PRICKLE2: variants seen among roughly 807,000 people sequenced by gnomAD.
PRICKLE2 encodes the protein prickle planar cell polarity protein 2, also known as prickle-like protein 2.
A neutral mutation model predicts 81.4 loss-of-function variants in PRICKLE2; 21 were observed. That is an observed-to-expected ratio of 0.26 (90% confidence interval 0.18 to 0.37). PRICKLE2 has a LOEUF of 0.37. PRICKLE2 is among the 10% of genes least tolerant of loss of function. The pLI is 1.00. For synonymous variants in PRICKLE2, 456 were observed against 421.5 expected, an observed-to-expected ratio of 1.08 and a Z score of -1.00; for missense variants, 940 against 1,109.0, an observed-to-expected ratio of 0.85 and a Z score of 2.16.
rs2107115540 is a variant in PRICKLE2, at chr3:64,198,981, AG to A, written c.-40-15del. ...AGGCAGATCTTCCTGCAGGCAGTAA[AG>A]GTAGAAGGTGAGAAAGAGGAAAAAA... is the stretch of plus-strand genomic sequence containing the variant. On this transcript the variant is annotated splice_polypyrimidine_tract_variant and intron_variant, in intron 1 of 7. Transcript: ENST00000638394. 1 of 1,613,122 alleles carries A rather than the reference AG, an allele frequency of 6.2e-7. No homozygotes were observed. Among genetic ancestry groups the A allele is most frequent in the East Asian group, 2.2e-5 (1 of 44,874 alleles).
chr3:64,164,615 C>T (rs1181606804), intron 2 of PRICKLE2, among the ~76,000 whole-genome samples: 1 of 152,208 alleles, frequency 6.6e-6, no homozygotes, highest in Non-Finnish European at 1.5e-5. Context: ...CATTAACCAT[C>T]ATGTGCCTAT....
Position 64,147,530 on chromosome 3 carries a change from G to C in PRICKLE2, c.960C>G (p.Asp320Glu), listed in dbSNP as rs746086398. 2 of 1,614,138 alleles carry C rather than the reference G, an allele frequency of 1.2e-6. No individual in the cohort carries two copies. Among genetic ancestry groups the C allele is most frequent in the Non-Finnish European group, 1.7e-6 (2 of 1,180,058 alleles). ...CSAGEDPNGS[D>E]SSDSAFQNAR... Reference sequence around the variant, plus strand: ...CGTTCTGGAAGGCGGAATCAGAGGAGTCAGAACCATTGGGGTCTTCCCCAG... The same window carrying C: ...CGTTCTGGAAGGCGGAATCAGAGGACTCAGAACCATTGGGGTCTTCCCCAG... The change falls in exon 7 of 8, where the codon GAC becomes GAG. Residue 320 changes from aspartate to glutamate, a missense_variant. By Grantham distance (45) the Asp-to-Glu change is conservative. Coordinates refer to ENST00000638394, the MANE Select transcript of PRICKLE2 (RefSeq NM_198859.4). This position sits in a 1 kb window ranked among gnomAD's most constrained non-coding sequence, Gnocchi z 5.0.
chr3:64,230,244 A>G (rs957607078), upstream of PRICKLE2, among the ~76,000 whole-genome samples: 4 of 152,216 alleles, frequency 2.6e-5, no homozygotes, highest in Non-Finnish European at 4.4e-5. Flanking sequence ...AATGTCTGCC[A>G]TAGCTGTCCA....
In PRICKLE2 at chr3:64,235,639, G is replaced by A. The variant is rs141805226; in HGVS notation, c.129-36672C>T. ...AGTGTGCAGCTTCTGATGTCCCTCC[G>A]GAGGGCCTGAGACCAGTTTTCCTAT... On this transcript the variant is annotated intron_variant, in intron 2 of 8. Transcript: ENST00000295902. Among the ~76,000 whole-genome samples the A allele has an allele frequency of 1.5e-3, 231 of 152,228 alleles. 1 individual carries two copies. The highest frequency in any genetic ancestry group is 5.3e-3 in the African/African-American group (222 of 41,530).
intron 7 of PRICKLE2, among the ~76,000 whole-genome samples, chr3:64,133,264 TG>T (rs1344090821): frequency 1.8e-4 from 28 of 152,134 alleles, no homozygotes; most frequent in African/African-American, 6.5e-4. Flanking sequence ...GACCTGGACA[TG>T]TACGGCTCAT....
intron 2 of PRICKLE2, among the ~76,000 whole-genome samples, chr3:64,168,554 C>A (rs574666533): frequency 1.3e-5 from 2 of 152,150 alleles, no homozygotes. Flanking sequence ...TACGGCTTGA[C>A]GCGTTTTTAT....
chr3:64,186,841 G>T (rs185278014), intron 2 of PRICKLE2, among the ~76,000 whole-genome samples: 1 of 152,278 alleles, frequency 6.6e-6, no homozygotes, highest in African/African-American at 2.4e-5. Context: ...GCGTCATAAG[G>T]CAGAGGAGAT....
chr3:64,267,233 A>G (rs1287695101), intron 2 of PRICKLE2, among the ~76,000 whole-genome samples: 1 of 151,914 alleles, frequency 6.6e-6, no homozygotes, highest in Admixed American at 6.6e-5. Context: ...TCTCCAAACT[A>G]TACACTCCCC....
At chr3:64,208,375 C>T (rs1209294774) in intron 1 of PRICKLE2, among the ~76,000 whole-genome samples, 1 of 152,218 alleles carries the variant, frequency 6.6e-6, no homozygotes, top group Non-Finnish European at 1.5e-5. Flanking sequence ...ATGTGACCCC[C>T]ACACAGGGCT....
intron 2 of PRICKLE2, among the ~76,000 whole-genome samples, chr3:64,185,349 C>G (rs149911751): frequency 3.9e-5 from 6 of 152,108 alleles, no homozygotes; most frequent in Admixed American, 1.3e-4. Flanking sequence ...AAGACAGCCT[C>G]CCAACTAAGA....
At chr3:64,165,794 C>G (rs927882625) in intron 2 of PRICKLE2, among the ~76,000 whole-genome samples, 10 of 152,176 alleles carry the variant, frequency 6.6e-5, no homozygotes, top group African/African-American at 2.4e-4. Context: ...CGGGTGTGAG[C>G]CACCCCATCA....
chr3:64,247,515 A>G (rs934443238), intron 2 of PRICKLE2, among the ~76,000 whole-genome samples: 2 of 152,220 alleles, frequency 1.3e-5, no homozygotes, highest in Non-Finnish European at 2.9e-5. Context: ...ATCTTACTGA[A>G]TCAGGCTTTA....
intron 1 of PRICKLE2, among the ~76,000 whole-genome samples, chr3:64,216,801 T>A (rs867497612): frequency 1.4e-4 from 22 of 152,098 alleles, no homozygotes; most frequent in African/African-American, 5.3e-4. Flanking sequence ...GAGGAGCACG[T>A]GAATTCTTTG....
intron 2 of PRICKLE2, among the ~76,000 whole-genome samples, chr3:64,170,219 T>A (rs2077905873): frequency 6.6e-6 from 1 of 152,166 alleles, no homozygotes; most frequent in Non-Finnish European, 1.5e-5. Context: ...AAACAATGTC[T>A]CCATCATGTT....
intron 2 of PRICKLE2, among the ~76,000 whole-genome samples, chr3:64,198,091 A>G (rs1426654984): frequency 3.9e-5 from 6 of 151,988 alleles, no homozygotes; most frequent in Non-Finnish European, 1.5e-5. Flanking sequence ...GGGTGCCTGT[A>G]GTCCCAGCTA....
At chr3:64,142,602 C>T (rs1481796854) in intron 7 of PRICKLE2, among the ~76,000 whole-genome samples, 2 of 152,092 alleles carry the variant, frequency 1.3e-5, no homozygotes, top group Admixed American at 1.3e-4. Context: ...TGAGCCACCA[C>T]GCCTGGCCCA....
intron 1 of PRICKLE2, among the ~76,000 whole-genome samples, chr3:64,222,063 G>A (rs1374433556): frequency 3.9e-5 from 6 of 152,100 alleles, no homozygotes; most frequent in Admixed American, 1.3e-4. Flanking sequence ...TTCACAGATC[G>A]GGATTAACTG....
At position 64,157,716 on chromosome 3, in the gene PRICKLE2, C is replaced by A. The variant is rs374721644; in HGVS notation, c.397-351G>T. 2.6e-5 allele frequency among the ~76,000 whole-genome samples: 4 copies of A among 152,292 alleles called. No individual in the cohort carries two copies. In the East Asian group the frequency reaches 7.7e-4, roughly 29 times the overall value. On this transcript the variant is annotated intron_variant, in intron 4 of 7. Coordinates refer to ENST00000638394, the MANE Select transcript of PRICKLE2 (RefSeq NM_198859.4). ...CATTATCTTTTAGATACTTTAAACTCCATGCAGAGACACAGCCAGGTTTAA... is the reference window on the plus strand; with the variant it reads ...CATTATCTTTTAGATACTTTAAACTACATGCAGAGACACAGCCAGGTTTAA...
intron 2 of PRICKLE2, among the ~76,000 whole-genome samples, chr3:64,261,710 A>G (rs556303976): frequency 6.6e-6 from 1 of 152,234 alleles, no homozygotes; most frequent in African/African-American, 2.4e-5. Context: ...GTAGGCAGAA[A>G]CTTGGGCTGG....
Sources: allele counts gnomAD v4.1 joint callset (sites outside exome capture counted in the v4.1 genomes callset), GRCh38; gene constraint gnomAD v4.1.1; non-coding constraint Gnocchi (gnomAD v3.1); transcripts MANE v1.5; gene names NCBI Gene and HGNC (gene_info 2026-07-23, HGNC 2026-07-21).